Variants in PLAT observed in about 807,000 individuals in gnomAD.
PLAT encodes plasminogen activator, tissue type.
PLAT carries 48 observed loss-of-function variants against 74.9 expected under a neutral mutation model. The ratio of observed to expected loss-of-function variants is 0.64; its 90% confidence interval spans 0.51 to 0.82. The LOEUF is 0.82. PLAT is among the 40% of genes least tolerant of loss of function. The probability of loss-of-function intolerance (pLI) is 0.00; values close to 1 mark genes in which losing one functional copy is unlikely to be tolerated. For synonymous variants in PLAT, 307 were observed against 294.4 expected, an observed-to-expected ratio of 1.04 and a Z score of -0.44; for missense variants, 673 against 736.2, an observed-to-expected ratio of 0.91 and a Z score of 0.99.
chr8:42,183,018 T>C (rs560452061), intron 7 of PLAT, 128 bp from the exon 8 acceptor site: 1 of 657,080 alleles, frequency 1.5e-6, no homozygotes, highest in South Asian at 1.8e-5. Context: ...GAGAAGAGTG[T>C]AACACCTCAC....
intron 6 of PLAT, chr8:42,186,184 G>A (rs1425809966): frequency 1.3e-5 from 2 of 149,310 alleles, no homozygotes; most frequent in African/African-American, 4.9e-5. Flanking sequence ...TTCTCTACAA[G>A]GACATTCCTT....
At chr8:42,176,341 C>G (rs931178053) in intron 13 of PLAT, among the ~76,000 whole-genome samples, 190 bp from the exon 14 acceptor site, 41 of 152,210 alleles carry the variant, frequency 2.7e-4, no homozygotes, top group African/African-American at 9.2e-4. Flanking sequence ...ACACTGTCTG[C>G]CTGGGTTTTG....
chr8:42,203,482 A>G (rs1212320065), intron 1 of PLAT, among the ~76,000 whole-genome samples: 1 of 152,184 alleles, frequency 6.6e-6, no homozygotes, highest in Non-Finnish European at 1.5e-5. Context: ...CAACTCAGGC[A>G]AAGTTGAGTT....
intron 1 of PLAT, among the ~76,000 whole-genome samples, chr8:42,194,879 G>C (rs934867342): frequency 5.9e-5 from 9 of 151,734 alleles, no homozygotes; most frequent in African/African-American, 2.2e-4. Context: ...GCAGGAAGGA[G>C]GGGAGGCAAA....
At chr8:42,181,906 T>G (rs1222430251) in intron 9 of PLAT, 31 bp downstream of exon 9, 1 of 1,328,748 alleles carries the variant, frequency 7.5e-7, no homozygotes, top group Non-Finnish European at 1.1e-6. Context: ...GGAGACCAGG[T>G]GCAGGGAGGC....
intron 1 of PLAT, among the ~76,000 whole-genome samples, chr8:42,199,765 C>T (rs1424645561): frequency 1.3e-5 from 2 of 152,190 alleles, no homozygotes; most frequent in Non-Finnish European, 2.9e-5. Context: ...ACACAAGGAC[C>T]ACCTGGTGAA....
intron 13 of PLAT, among the ~76,000 whole-genome samples, chr8:42,177,744 T>G (rs922821197): frequency 1.6e-4 from 25 of 152,228 alleles, no homozygotes; most frequent in African/African-American, 6.0e-4. Context: ...GTACAACCTT[T>G]TTGTTTCTGG....
In PLAT at chr8:42,188,838, T is replaced by C; in HGVS notation, c.253+96A>G. On this transcript the variant is annotated intron_variant, in intron 4 of 13. Transcript: ENST00000220809. ...GGGGACTTGCTATGTTTGCCCAGATTGGTCTTGAACTCCCGGGCTCCAGCG... is the reference window on the plus strand; with the variant it reads ...GGGGACTTGCTATGTTTGCCCAGATCGGTCTTGAACTCCCGGGCTCCAGCG... 3 of 1,010,552 alleles carry C rather than the reference T, an allele frequency of 3.0e-6. No individual in the cohort carries two copies. In the South Asian group the frequency reaches 4.2e-5, roughly 14 times the overall value. 62.6% of individuals were successfully genotyped at this position (1,010,552 alleles called of 1,614,324 possible).
At chr8:42,188,413 A>T in intron 4 of PLAT, 1 of 173,910 alleles carries the variant, frequency 5.8e-6, no homozygotes, top group Non-Finnish European at 1.2e-5. Flanking sequence ...GAGGAAACTG[A>T]GGCAAGCGGG....
chr8:42,195,217 G>A (rs943087854), intron 1 of PLAT, among the ~76,000 whole-genome samples: 3 of 146,908 alleles, frequency 2.0e-5, no homozygotes, highest in Non-Finnish European at 4.5e-5. Context: ...TTGTTACTTC[G>A]AAACGAACTC....
Position 42,190,111 on chromosome 8 carries a change from G to C in PLAT, c.116-1040C>G, listed in dbSNP as rs554182789. Among the ~76,000 whole-genome samples the C allele has an allele frequency of 1.9e-4, 29 of 152,030 alleles. No homozygotes were observed. The South Asian group carries it at 6.0e-3, about 32-fold the overall frequency. ...TTTTTTTGTAGAGGCGGGGTGGGGT[G>C]GGGGAGGCAGAGGTGTCTCACTATG... On this transcript the variant is annotated intron_variant, in intron 3 of 13. Transcript: ENST00000220809.
intron 13 of PLAT, among the ~76,000 whole-genome samples, chr8:42,178,209 C>G (rs914232903): frequency 1.3e-5 from 2 of 151,964 alleles, no homozygotes; most frequent in African/African-American, 4.8e-5. Context: ...TCTTCCTTCT[C>G]CTTCTACAAA....
At chr8:42,194,241 A>AGAGAGAGAGAGAGAGAGAGAGTGTGT (rs1419569830) in intron 1 of PLAT, among the ~76,000 whole-genome samples, 18 of 52,576 alleles carry the variant, frequency 3.4e-4, no homozygotes, top group African/African-American at 1.2e-3. Flanking sequence ...AGAGAGAGAG[A>AGAGAGAGAGAGAGAGAGAGAGTGTGT]GTGTGTGTGT....
chr8:42,188,811 C>A (rs1805580705), intron 4 of PLAT, 123 bp downstream of exon 4: 2 of 769,314 alleles, frequency 2.6e-6, no homozygotes, highest in African/African-American at 1.7e-5. Context: ...TTTGTAGAGA[C>A]AGGGGACTTG....
chr8:42,198,376 C>T (rs1036956049), intron 1 of PLAT, among the ~76,000 whole-genome samples: 4 of 152,144 alleles, frequency 2.6e-5, no homozygotes, highest in African/African-American at 9.7e-5. Flanking sequence ...CCTATAATCC[C>T]AGCTACTCAG....
At chr8:42,182,157 A>G in intron 8 of PLAT, 135 bp from the exon 9 acceptor site, 1 of 594,326 alleles carries the variant, frequency 1.7e-6, no homozygotes, top group Non-Finnish European at 3.1e-6. Flanking sequence ...TCAGCCTCCC[A>G]AAGTGCTGGG....
intron 7 of PLAT, among the ~76,000 whole-genome samples, chr8:42,183,524 C>A (rs1408154642): frequency 6.6e-6 from 1 of 152,010 alleles, no homozygotes; most frequent in Non-Finnish European, 1.5e-5. Context: ...AGTGAACCAA[C>A]GTGCTTCAGT....
intron 13 of PLAT, among the ~76,000 whole-genome samples, chr8:42,176,587 G>A (rs1294132241): frequency 1.3e-5 from 2 of 152,222 alleles, no homozygotes; most frequent in African/African-American, 2.4e-5. Flanking sequence ...AATACAAAGT[G>A]TTATAAAGTA....
At chr8:42,206,151 G>A (rs1006132802) in intron 1 of PLAT, among the ~76,000 whole-genome samples, 4 of 152,188 alleles carry the variant, frequency 2.6e-5, no homozygotes, top group Non-Finnish European at 4.4e-5. Context: ...TGGGGAGTCG[G>A]GCAGAGAAGG....
Sources: allele counts gnomAD v4.1 joint callset (sites outside exome capture counted in the v4.1 genomes callset), GRCh38; gene constraint gnomAD v4.1.1; transcripts MANE v1.5; gene names NCBI Gene and HGNC (gene_info 2026-07-23, HGNC 2026-07-21).